The following HDAC9 variants were observed in gnomAD, a reference collection of about 807,000 sequenced individuals.
HDAC9 encodes MEF-2 interacting transcription repressor (MITR) protein.
A neutral mutation model predicts 139.4 loss-of-function variants in HDAC9; 41 were observed. That is an observed-to-expected ratio of 0.29 (90% CI 0.23 to 0.38). The LOEUF (loss-of-function observed/expected upper bound fraction) is 0.38, where lower values mean the gene tolerates loss of function less well. HDAC9 is among the 10% of genes least tolerant of loss of function. The probability of loss-of-function intolerance (pLI) is 1.00; values close to 1 mark genes in which losing one functional copy is unlikely to be tolerated. For missense variants in HDAC9, 1,147 were observed against 1,297.0 expected, an observed-to-expected ratio of 0.88 and a Z score of 1.78; for synonymous variants, 517 against 476.2, an observed-to-expected ratio of 1.09 and a Z score of -1.12.
chr7:18,908,420 A>G (rs901779234), intron 22 of HDAC9, among the ~76,000 whole-genome samples: 3 of 152,082 alleles, frequency 2.0e-5, no homozygotes, highest in South Asian at 2.1e-4. Context: ...TCTTCTAGCT[A>G]TTGGAAAACA....
At chr7:18,664,331 GAT>G (rs1300616339) in intron 11 of HDAC9, among the ~76,000 whole-genome samples, 2 of 152,084 alleles carry the variant, frequency 1.3e-5, no homozygotes, top group Non-Finnish European at 2.9e-5. Context: ...TCTTCATTGT[GAT>G]ATGAGTTTTG....
At chr7:18,239,790 A>T (rs918116277) in intron 2 of HDAC9, among the ~76,000 whole-genome samples, 1 of 152,154 alleles carries the variant, frequency 6.6e-6, no homozygotes, top group Non-Finnish European at 1.5e-5. Flanking sequence ...GGAACAGTTA[A>T]TAGTTCCTGG....
At chr7:18,450,045 A>C (rs773133944) in intron 1 of HDAC9, among the ~76,000 whole-genome samples, 1 of 152,190 alleles carries the variant, frequency 6.6e-6, no homozygotes, top group Non-Finnish European at 1.5e-5. Flanking sequence ...AGATCATGCT[A>C]CCTCTATTAA....
intron 22 of HDAC9, among the ~76,000 whole-genome samples, chr7:18,935,056 TA>T (rs1781528970): frequency 1.3e-5 from 2 of 152,060 alleles, no homozygotes; most frequent in African/African-American, 4.8e-5. Context: ...ACCATTTTTA[TA>T]AAGTTGAAAA....
intron 6 of HDAC9, among the ~76,000 whole-genome samples, chr7:18,606,791 A>G (rs552210974): frequency 1.5e-4 from 23 of 152,330 alleles, no homozygotes; most frequent in Admixed American, 2.0e-4. Context: ...AAAAGAACAT[A>G]TTTAGTTGAT....
chr7:18,109,357 T>G (rs541483667), intron 1 of HDAC9, among the ~76,000 whole-genome samples: 2 of 152,308 alleles, frequency 1.3e-5, no homozygotes, highest in South Asian at 4.1e-4. Flanking sequence ...GGTAGGTAGG[T>G]TAGGGTAAAT....
chr7:18,670,232 A>G (rs1795587931), intron 12 of HDAC9, among the ~76,000 whole-genome samples: 2 of 151,996 alleles, frequency 1.3e-5, no homozygotes, highest in South Asian at 4.1e-4. Context: ...GTTTGAGACT[A>G]TTATTCCCTT....
In HDAC9 at chr7:18,311,965, G is replaced by A. The variant is rs560205548; in HGVS notation, c.-42+21450G>A. On this transcript the variant is annotated intron_variant, in intron 1 of 3. Transcript: ENST00000413509. ...TGAACCACCCTCTTGGCACTACCAC[G>A]GGAAATTTATTTTAAACAATCTAAA... 1.8e-3 allele frequency among the ~76,000 whole-genome samples: 271 copies of A among 152,230 alleles called. 3 individuals are homozygous for A. Among genetic ancestry groups the A allele is most frequent in the African/African-American group, 6.3e-3 (260 of 41,530 alleles).
At chr7:18,820,261 T>A (rs1794864151) in intron 17 of HDAC9, among the ~76,000 whole-genome samples, 1 of 152,176 alleles carries the variant, frequency 6.6e-6, no homozygotes, top group South Asian at 2.1e-4. Flanking sequence ...TTAAAAAACT[T>A]GTTGAGAAAT....
At chr7:18,790,080 T>A (rs1792169026) in intron 16 of HDAC9, among the ~76,000 whole-genome samples, 1 of 152,210 alleles carries the variant, frequency 6.6e-6, no homozygotes, top group African/African-American at 2.4e-5. Context: ...TCCTGTTTTA[T>A]CATTGAAGTT....
At chr7:18,089,591 A>G (rs1245773396) in intron 1 of HDAC9, among the ~76,000 whole-genome samples, 2 of 152,156 alleles carry the variant, frequency 1.3e-5, no homozygotes, top group Non-Finnish European at 2.9e-5. Flanking sequence ...AATTTGAATG[A>G]CACCAGAATT....
At chr7:18,145,276 G>A (rs940565124) in intron 1 of HDAC9, among the ~76,000 whole-genome samples, 1 of 152,200 alleles carries the variant, frequency 6.6e-6, no homozygotes, top group Non-Finnish European at 1.5e-5. Context: ...ATGTAGGCAA[G>A]CACTCAATAA....
rs1315675517 is a variant in HDAC9, at chr7:18,553,701, G to T, written c.23-31580G>T. Reference sequence around the variant, plus strand: ...TTCTCCCCGAGGCAAATAATAGAGGGAATTAAAGCTGATTTGTTTTCTTTG... The same window carrying T: ...TTCTCCCCGAGGCAAATAATAGAGGTAATTAAAGCTGATTTGTTTTCTTTG... On this transcript the variant is annotated intron_variant, in intron 2 of 25. Coordinates refer to ENST00000686413, the MANE Select transcript of HDAC9 (RefSeq NM_178425.4). 3.3e-5 allele frequency among the ~76,000 whole-genome samples: 5 copies of T among 152,200 alleles called. 1 individual carries two copies. Among genetic ancestry groups the T allele is most frequent in the Non-Finnish European group, 7.3e-5 (5 of 68,034 alleles).
At position 18,329,034 on chromosome 7, in the gene HDAC9, G is replaced by A. The variant is rs188155626; in HGVS notation, c.-42+38519G>A. On this transcript the variant is annotated intron_variant, in intron 1 of 3. Transcript: ENST00000413509. ...TCTTTTTCTTCCTGGTTCAGTCTTG[G>A]TAGGTTCCATGTTTGTAGTTCATTT... 3.9e-3 allele frequency among the ~76,000 whole-genome samples: 590 copies of A among 151,722 alleles called. 5 individuals carry two copies. Among genetic ancestry groups the A allele is most frequent in the African/African-American group, 0.014 (562 of 41,434 alleles).
intron 2 of HDAC9, among the ~76,000 whole-genome samples, chr7:18,516,862 GA>G (rs35689821): frequency 0.029 from 1,625 of 55,114 alleles, 17 homozygotes; most frequent in African/African-American, 0.091. Flanking sequence ...CTCCATTTCA[GA>G]AAAAAAAAAA....
At chr7:18,661,018 G>C (rs1487413689) in intron 11 of HDAC9, among the ~76,000 whole-genome samples, 1 of 152,172 alleles carries the variant, frequency 6.6e-6, no homozygotes, top group Non-Finnish European at 1.5e-5. Context: ...TACTGTAAGA[G>C]ATTGTACTGT....
intron 2 of HDAC9, among the ~76,000 whole-genome samples, chr7:18,551,680 G>A (rs1817188414): frequency 6.6e-6 from 1 of 152,070 alleles, no homozygotes; most frequent in Non-Finnish European, 1.5e-5. Flanking sequence ...TTTTTATACT[G>A]GAAAACAGGA....
chr7:18,474,614 G>A (rs1449121755), intron 1 of HDAC9, among the ~76,000 whole-genome samples: 1 of 152,184 alleles, frequency 6.6e-6, no homozygotes, highest in Admixed American at 6.5e-5. Flanking sequence ...TTTAAAGCAT[G>A]TTTGAAATAG....
intron 22 of HDAC9, among the ~76,000 whole-genome samples, chr7:18,885,037 T>C (rs1800029725): frequency 2.0e-5 from 3 of 152,226 alleles, no homozygotes; most frequent in Admixed American, 6.5e-5. Context: ...ATATGTAAAA[T>C]ACCATTTTGA....
Sources: gnomAD v4.1 joint callset for allele counts (sites outside exome capture counted in the v4.1 genomes callset) on GRCh38, gnomAD v4.1.1 for gene constraint, MANE v1.5 for transcripts, NCBI Gene and HGNC (gene_info 2026-07-23, HGNC 2026-07-21) for gene names.